Variants in PPP1R13L observed in about 807,000 individuals in gnomAD.
The protein encoded by PPP1R13L is protein phosphatase 1 regulatory subunit 13 like.
PPP1R13L carries 50 observed loss-of-function variants against 80.9 expected under a neutral mutation model. The observed-to-expected ratio is 0.62, with a 90% CI of 0.49 to 0.78. PPP1R13L has a LOEUF of 0.78. PPP1R13L is among the 30% of genes least tolerant of loss of function. The pLI, the probability that PPP1R13L is intolerant of heterozygous loss-of-function variation, is 0.00. For synonymous variants in PPP1R13L, 602 were observed against 534.3 expected, an observed-to-expected ratio of 1.13 and a Z score of -1.75; for missense variants, 1,200 against 1,205.9, an observed-to-expected ratio of 1.00 and a Z score of 0.07.
At position 45,395,640 on chromosome 19, in the gene PPP1R13L, C is replaced by A; in HGVS notation, c.1150G>T (p.Glu384Ter). 1 of 1,472,868 alleles carries A rather than the reference C, an allele frequency of 6.8e-7. No homozygotes were observed. The allele number at this position is 1,472,868 out of a possible 1,614,324, so 91.2% of individuals were successfully genotyped here. ...AGCATGGCGCGGCTGGCCCCGTGCT[C>A]CCAGAAGGCGTTCTGCAGCTTGAAG... ...MIFKLQNAFW[E>*]HGASRAMLPG... Residue 384 changes from glutamate (E) to a stop codon, truncating the protein, a stop_gained, in exon 7 of 13, where the codon GAG becomes TAG. Transcript: ENST00000360957. LOFTEE classifies it high-confidence loss of function.
At position 45,386,106 on chromosome 19, in the gene PPP1R13L, G is replaced by A. The variant is rs1212844080; in HGVS notation, c.1890C>T (p.Leu630=). The change falls in exon 9 of 13, where the codon CTC becomes CTT. Residue 630 remains leucine, a synonymous_variant. Coordinates refer to ENST00000360957, the MANE Select transcript of PPP1R13L (RefSeq NM_006663.4). ...ARRARLNPLV[L]LLDAALTGEL... The stretch of plus-strand genomic sequence containing the variant: ...CCCCGGTCAGCGCCGCGTCCAGGAG[G>A]AGCACCAGAGGGTTGAGGCGCGCGC... The A allele has an allele frequency of 2.5e-6, 4 of 1,575,148 alleles. No homozygotes were observed. The African/African-American group carries it at 5.4e-5, about 21-fold the overall frequency.
At position 45,392,187 on chromosome 19, in the gene PPP1R13L, G is replaced by T. The variant is rs577151019; in HGVS notation, c.1508C>A (p.Ser503Ter). Reference sequence around the variant, plus strand: ...TGCCACCTCCTCCAGCTCGGGCACCGACTGTGCCTCCGGTGGCAGTGCTGG... The same window carrying T: ...TGCCACCTCCTCCAGCTCGGGCACCTACTGTGCCTCCGGTGGCAGTGCTGG... ...LQPALPPEAQ[S>*]VPELEEVARV... The change falls in exon 8 of 13, where the codon TCG (serine) becomes TAG (stop). Residue 503 changes from serine to a stop codon, truncating the protein, a stop_gained. Coordinates refer to ENST00000360957, the MANE Select transcript of PPP1R13L (RefSeq NM_006663.4). LOFTEE classifies it high-confidence loss of function. The T allele has an allele frequency of 7.5e-6, 12 of 1,610,698 alleles. No individual in the cohort carries two copies. Among genetic ancestry groups the T allele is most frequent in the Non-Finnish European group, 1.0e-5 (12 of 1,178,184 alleles).
rs764013244 is a variant in PPP1R13L, at chr19:45,392,320, C to T, written c.1375G>A (p.Glu459Lys). 52 of 1,613,280 alleles carry T rather than the reference C, an allele frequency of 3.2e-5. No individual in the cohort carries two copies. The highest frequency in any genetic ancestry group is 4.5e-5 in the East Asian group (2 of 44,882). ...VNEGPPKPPTELEPEPEIEGL... is the reference protein window; with the variant it reads ...VNEGPPKPPTKLEPEPEIEGL... ...TCTATCTCCGGCTCAGGCTCCAGCT[C>T]GGTGGGGGGTTTGGGGGGTCCTAGC... Residue 459 changes from glutamate to lysine, a missense_variant, in exon 8 of 13, where the codon GAG becomes AAG. Coordinates refer to ENST00000360957, the MANE Select transcript of PPP1R13L (RefSeq NM_006663.4).
Position 45,396,916 on chromosome 19 carries a change from G to C in PPP1R13L, c.341C>G (p.Pro114Arg). 2 of 1,495,460 alleles carry C rather than the reference G, an allele frequency of 1.3e-6. No individual in the cohort carries two copies. The highest frequency in any genetic ancestry group is 2.7e-5 in the South Asian group (2 of 75,368). 92.6% of individuals were successfully genotyped at this position (1,495,460 alleles called of 1,614,324 possible). The change falls in exon 4 of 13, where the codon CCC becomes CGC. Residue 114 changes from proline to arginine, a missense_variant. Physicochemically the swap from Pro to Arg is moderately radical, Grantham distance 103. Coordinates refer to ENST00000360957, the MANE Select transcript of PPP1R13L (RefSeq NM_006663.4). The surrounding 1 kb of genome is among the most constrained non-coding windows in gnomAD (Gnocchi z 5.3). The stretch of plus-strand genomic sequence containing the variant: ...GCGCGGCGACGACGGCCGTCCCTTG[G>C]GGGACAGCGGGCTGTAGGGGTGTAG... The part of the protein sequence containing the change: ...PTLHPYSPLS[P>R]KGRPSSPRTP...
At chr19:45,387,783 C>T (rs1323994234) in intron 8 of PPP1R13L, among the ~76,000 whole-genome samples, 1 of 152,170 alleles carries the variant, frequency 6.6e-6, no homozygotes, top group Non-Finnish European at 1.5e-5. Flanking sequence ...GTTCTCCTGA[C>T]CTCGTGATCC....
intron 8 of PPP1R13L, among the ~76,000 whole-genome samples, chr19:45,387,365 A>T (rs933528580): frequency 6.6e-6 from 1 of 152,080 alleles, no homozygotes; most frequent in African/African-American, 2.4e-5. Flanking sequence ...TGATTTTAAG[A>T]TTCTGGAATT....
rs746323622 is a variant in PPP1R13L, at chr19:45,392,260, C to T, written c.1435G>A (p.Val479Met). ...LLTPVLEAGD[V>M]DEGPVARPLS... ...GGCCTTGCTACAGGGCCTTCATCCA[C>T]ATCGCCAGCCTCCAGCACTGGTGTC... The change falls in exon 8 of 13, where the codon GTG becomes ATG. Residue 479 changes from valine to methionine, a missense_variant. Coordinates refer to ENST00000360957, the MANE Select transcript of PPP1R13L (RefSeq NM_006663.4). 13 of 1,613,230 alleles carry T rather than the reference C, an allele frequency of 8.1e-6. No homozygotes were observed. In the Admixed American group the frequency reaches 2.0e-4, roughly 25 times the overall value.
In PPP1R13L at chr19:45,392,264, G is replaced by A. The variant is rs559089759; in HGVS notation, c.1431C>T (p.Gly477=). The stretch of plus-strand genomic sequence containing the variant: ...TTGCTACAGGGCCTTCATCCACATC[G>A]CCAGCCTCCAGCACTGGTGTCAGCA... ...EGLLTPVLEA[G]DVDEGPVARP... Residue 477 remains glycine (G), a synonymous_variant, in exon 8 of 13, where the codon GGC becomes GGT. Coordinates refer to ENST00000360957, the MANE Select transcript of PPP1R13L (RefSeq NM_006663.4). 16 of 1,613,302 alleles carry A rather than the reference G, an allele frequency of 9.9e-6. No individual in the cohort carries two copies. Among genetic ancestry groups the A allele is most frequent in the Middle Eastern group, 1.7e-4 (1 of 6,058 alleles).
intron 1 of PPP1R13L, among the ~76,000 whole-genome samples, chr19:45,399,427 A>T (rs989465081): frequency 1.5e-4 from 22 of 146,040 alleles, no homozygotes; most frequent in African/African-American, 4.8e-4. Context: ...GAGCGAGACC[A>T]TCCTGGCTAA....
Position 45,395,724 on chromosome 19 carries a change from G to T in PPP1R13L, c.1066C>A (p.Pro356Thr). 1 of 1,498,006 alleles carries T rather than the reference G, an allele frequency of 6.7e-7. No individual in the cohort carries two copies. 92.8% of individuals were successfully genotyped at this position (1,498,006 alleles called of 1,614,324 possible). ...WQPVSRIPMP[P>T]SSPQPRGAPR... is the part of the protein sequence containing the mutation. Reference sequence around the variant, plus strand: ...GCCCCGCGGGGCTGGGGGCTGGAGGGGGGCATGGGGATGCGGCTGACGGGC... The same window carrying T: ...GCCCCGCGGGGCTGGGGGCTGGAGGTGGGCATGGGGATGCGGCTGACGGGC... Residue 356 changes from proline (P) to threonine (T), a missense_variant, in exon 7 of 13, where the codon CCC becomes ACC. Around this residue, in one of 5 missense-constraint regions of PPP1R13L, gnomAD observed 764 missense variants for 714.5 expected, o/e 1.07. Transcript: ENST00000360957.
At chr19:45,390,329 C>A (rs991190344) in intron 8 of PPP1R13L, among the ~76,000 whole-genome samples, 1 of 151,940 alleles carries the variant, frequency 6.6e-6, no homozygotes, top group Admixed American at 6.6e-5. Flanking sequence ...GAAAGCAAAA[C>A]GCTGGAAAAA....
intron 12 of PPP1R13L, among the ~76,000 whole-genome samples, chr19:45,381,702 G>A (rs189656673): frequency 6.3e-5 from 9 of 142,392 alleles, no homozygotes; most frequent in Non-Finnish European, 9.3e-5. Context: ...AGGCTGAGGC[G>A]GGCAGGTCAC....
chr19:45,396,449 T>G lies in PPP1R13L; in HGVS notation c.713-13A>C. On this transcript the variant is annotated splice_polypyrimidine_tract_variant and intron_variant, in intron 4 of 12. Transcript: ENST00000360957. The surrounding 1 kb of genome is among the most constrained non-coding windows in gnomAD (Gnocchi z 5.3). ...AGCGTCAGGTCGTCTGGGGAGAAGT[T>G]TCCAGGGAGGATGAGACGGGAGGGG... 1 of 1,613,808 alleles carries G rather than the reference T, an allele frequency of 6.2e-7. No individual in the cohort carries two copies. Among genetic ancestry groups the G allele is most frequent in the Non-Finnish European group, 8.5e-7 (1 of 1,179,934 alleles).
At chr19:45,381,593 G>C (rs1375260430) in intron 12 of PPP1R13L, among the ~76,000 whole-genome samples, 4 of 152,050 alleles carry the variant, frequency 2.6e-5, no homozygotes, top group Non-Finnish European at 5.9e-5. Flanking sequence ...CAAATAACTA[G>C]TAAGGCAGTA....
chr19:45,386,067 C>T lies in PPP1R13L; in HGVS notation c.1929G>A (p.Val643=). The change falls in exon 9 of 13, where the codon GTG becomes GTA. Residue 643 remains valine (V), a synonymous_variant. Coordinates refer to ENST00000360957, the MANE Select transcript of PPP1R13L (RefSeq NM_006663.4). The part of the protein sequence containing the change: ...DAALTGELEV[V]QQAVKEMNDP... ...CGCTCACCTCCTTCACCGCCTGCTG[C>T]ACCACCTCCAGCTCCCCGGTCAGCG... 1 of 1,584,892 alleles carries T rather than the reference C, an allele frequency of 6.3e-7. No homozygotes were observed.
chr19:45,384,132 G>C (rs1482619552), intron 11 of PPP1R13L, among the ~76,000 whole-genome samples: 1 of 151,100 alleles, frequency 6.6e-6, no homozygotes, highest in Non-Finnish European at 1.5e-5. Context: ...GGCTGCGGGA[G>C]TGCAGTGGTG....
rs768266980 is a variant in PPP1R13L at position 45,398,295 on chromosome 19, G to C, written c.24C>G (p.Ser8Arg). The part of the protein sequence containing the change: MDSEAFQ[S>R]ARDFLDMNFQ... ...AGTTCATGTCCAGAAAGTCCCGCGC[G>C]CTCTGGAATGCCTCGCTGTCCATGG... Residue 8 changes from serine to arginine, a missense_variant, in exon 2 of 13, where the codon AGC becomes AGG. Physicochemically the swap from Ser to Arg is moderately radical, Grantham distance 110. Transcript: ENST00000360957. 1.2e-6 allele frequency: 2 copies of C among 1,613,744 alleles called. No individual in the cohort carries two copies. Among genetic ancestry groups the C allele is most frequent in the Admixed American group, 1.7e-5 (1 of 59,982 alleles).
chr19:45,399,733 C>T (rs1331735977), intron 1 of PPP1R13L, among the ~76,000 whole-genome samples: 3 of 151,636 alleles, frequency 2.0e-5, no homozygotes, highest in Non-Finnish European at 2.9e-5. Context: ...GTGGATGGAT[C>T]GCTTGAAGCC....
At chr19:45,382,095 GC>G (rs1972772590) in intron 12 of PPP1R13L, among the ~76,000 whole-genome samples, 1 of 151,896 alleles carries the variant, frequency 6.6e-6, no homozygotes, top group African/African-American at 2.4e-5. Context: ...ACAAAAAGTA[GC>G]CGGGCGTGGT....
Sources: gnomAD v4.1 joint callset for allele counts (sites outside exome capture counted in the v4.1 genomes callset) on GRCh38, gnomAD v4.1.1 for gene constraint, gnomAD v4.1.1 regional missense constraint, Gnocchi (gnomAD v3.1) non-coding constraint, MANE v1.5 for transcripts, NCBI Gene and HGNC (gene_info 2026-07-23, HGNC 2026-07-21) for gene names.